Variants in SLC67A2 observed in about 807,000 individuals in gnomAD.
SLC67A2 encodes the protein solute carrier family 67 member 2, also known as solute carrier family 67 member A2.
chr2:102,732,234 T>C, the SLC67A2 span: 2 of 1,123,036 alleles, frequency 1.8e-6, no homozygotes, highest in Non-Finnish European at 2.7e-6. Flanking sequence ...TGGATAATAT[T>C]TGGATACAAA....
the SLC67A2 span, chr2:102,718,883 G>C: frequency 6.2e-7 from 1 of 1,614,160 alleles, no homozygotes; most frequent in African/African-American, 1.3e-5. Flanking sequence ...GAGGTAGCCT[G>C]TCACCTTGGG....
chr2:102,720,143 C>T, the SLC67A2 span, among the ~76,000 whole-genome samples: 1 of 152,158 alleles, frequency 6.6e-6, no homozygotes, highest in Non-Finnish European at 1.5e-5. Flanking sequence ...CTAAAGAGCA[C>T]TTAAAAGTTC....
chr2:102,726,123 C>A, the SLC67A2 span, among the ~76,000 whole-genome samples: 1 of 152,210 alleles, frequency 6.6e-6, no homozygotes, highest in Non-Finnish European at 1.5e-5. Context: ...CCAGACGAGC[C>A]TGGAAACAGC....
chr2:102,735,846 GCACACACA>G, the SLC67A2 span, among the ~76,000 whole-genome samples: 1 of 149,592 alleles, frequency 6.7e-6, no homozygotes, highest in African/African-American at 2.5e-5. Flanking sequence ...ACGCGCGCGC[GCACACACA>G]CACACACACA....
At chr2:102,735,763 G>A in the SLC67A2 span, among the ~76,000 whole-genome samples, 2 of 152,140 alleles carry the variant, frequency 1.3e-5, no homozygotes, top group Non-Finnish European at 2.9e-5. Context: ...CAGGTGTTCA[G>A]AAATGCCATG....
chr2:102,723,241 C>T, the SLC67A2 span, among the ~76,000 whole-genome samples: 48 of 152,254 alleles, frequency 3.2e-4, no homozygotes, highest in East Asian at 3.9e-3. Flanking sequence ...GAGGCAGAGG[C>T]GGCGGATCGC....
the SLC67A2 span, among the ~76,000 whole-genome samples, chr2:102,724,982 C>G: frequency 6.6e-6 from 1 of 152,180 alleles, no homozygotes; most frequent in South Asian, 2.1e-4. Context: ...CGCAGGAATT[C>G]TATGATTCTT....
chr2:102,729,687 C>T, the SLC67A2 span, among the ~76,000 whole-genome samples: 1 of 152,144 alleles, frequency 6.6e-6, no homozygotes, highest in Non-Finnish European at 1.5e-5. Context: ...AGTCTAAATA[C>T]TGAAATTAGG....
the SLC67A2 span, among the ~76,000 whole-genome samples, chr2:102,723,217 T>C: frequency 7.4e-3 from 1,124 of 152,348 alleles, 12 homozygotes; most frequent in African/African-American, 0.023. Flanking sequence ...GCGCCTGTAA[T>C]CCCAGCACTT....
chr2:102,727,059 G>T, the SLC67A2 span: 1 of 1,443,584 alleles, frequency 6.9e-7, no homozygotes. Context: ...GTGACCAGGG[G>T]AAAACAATGG....
chr2:102,721,412 A>G, the SLC67A2 span, among the ~76,000 whole-genome samples: 1 of 152,200 alleles, frequency 6.6e-6, no homozygotes, highest in South Asian at 2.1e-4. Flanking sequence ...TAAGCTCATG[A>G]ACTTTGCTTC....
At chr2:102,732,099 A>G in the SLC67A2 span, 2 of 649,966 alleles carry the variant, frequency 3.1e-6, no homozygotes, top group Admixed American at 2.1e-5. Flanking sequence ...GGACTTGGTT[A>G]TAGTGCTCAA....
At chr2:102,730,475 G>A in the SLC67A2 span, among the ~76,000 whole-genome samples, 80 of 152,006 alleles carry the variant, frequency 5.3e-4, no homozygotes, top group East Asian at 0.015. Flanking sequence ...ACTTTAAATA[G>A]AATAGCAGAA....
chr2:102,728,194 G>A, the SLC67A2 span, among the ~76,000 whole-genome samples: 1 of 152,186 alleles, frequency 6.6e-6, no homozygotes, highest in Non-Finnish European at 1.5e-5. Flanking sequence ...ATGGAGCACT[G>A]TGTAAAAGGG....
chr2:102,716,885 T>G, the SLC67A2 span: 1 of 152,264 alleles, frequency 6.6e-6, no homozygotes, highest in African/African-American at 2.4e-5. Context: ...CCTGCAAGGC[T>G]ATGTTCACCT....
chr2:102,728,028 T>TC, the SLC67A2 span, among the ~76,000 whole-genome samples: 2 of 152,078 alleles, frequency 1.3e-5, no homozygotes, highest in Non-Finnish European at 2.9e-5. Flanking sequence ...GTAGCTCCCT[T>TC]CTGAACACTC....
chr2:102,715,974 T>G, the SLC67A2 span: 1 of 152,318 alleles, frequency 6.6e-6, no homozygotes, highest in Non-Finnish European at 1.5e-5. Flanking sequence ...GTCCCCAACA[T>G]GTCTGAGCTG....
the SLC67A2 span, among the ~76,000 whole-genome samples, chr2:102,726,620 G>A: frequency 5.7e-4 from 87 of 151,902 alleles, no homozygotes; most frequent in South Asian, 5.2e-3. Context: ...ACATGCTCGC[G>A]CACGCACACA....
chr2:102,729,680 C>G, the SLC67A2 span, among the ~76,000 whole-genome samples: 1 of 152,086 alleles, frequency 6.6e-6, no homozygotes, highest in Admixed American at 6.5e-5. Flanking sequence ...GGCTTAGAGT[C>G]TAAATACTGA....
Sources: allele counts gnomAD v4.1 joint callset (sites outside exome capture counted in the v4.1 genomes callset), GRCh38; gene constraint gnomAD v4.1.1; transcripts MANE v1.5; gene names NCBI Gene and HGNC (gene_info 2026-07-23, HGNC 2026-07-21).